Variants in GPC5 observed in about 807,000 individuals in gnomAD.
GPC5 encodes glypican-5.
Under a neutral mutation model 53.9 loss-of-function variants are expected in GPC5, and 47 were observed. That is an observed-to-expected ratio of 0.87 (90% CI 0.69 to 1.11). GPC5 has a LOEUF of 1.11. Among genes scored for constraint, GPC5 ranks in the 50% most tolerant of loss-of-function variants. GPC5 has a pLI of 0.00. For synonymous variants in GPC5, 286 were observed against 263.3 expected (o/e 1.09, Z -0.84); for missense variants, 748 against 713.1 (o/e 1.05, Z -0.56).
At chr13:91,458,731 A>G (rs1280311195) in intron 2 of GPC5, among the ~76,000 whole-genome samples, 1 of 152,166 alleles carries the variant, frequency 6.6e-6, no homozygotes. Context: ...AAGTCATTAT[A>G]TGAAAAAGAC....
At chr13:92,502,699 T>TC (rs748333401) in intron 7 of GPC5, among the ~76,000 whole-genome samples, 1 of 151,914 alleles carries the variant, frequency 6.6e-6, no homozygotes, top group Non-Finnish European at 1.5e-5. Flanking sequence ...AAAACATAAA[T>TC]CAAGCATGGT....
chr13:92,223,687 T>A (rs1257034311), intron 7 of GPC5, among the ~76,000 whole-genome samples: 1 of 152,070 alleles, frequency 6.6e-6, no homozygotes. Context: ...TGGTAAAAAT[T>A]GGGATAAAAG....
chr13:92,359,440 C>G (rs1478884950), intron 7 of GPC5, among the ~76,000 whole-genome samples: 1 of 151,680 alleles, frequency 6.6e-6, no homozygotes, highest in Non-Finnish European at 1.5e-5. Context: ...GTCCTCCAAA[C>G]TGTTCCTACC....
At chr13:92,195,438 C>A (rs1182948155) in intron 7 of GPC5, among the ~76,000 whole-genome samples, 1 of 152,174 alleles carries the variant, frequency 6.6e-6, no homozygotes, top group Non-Finnish European at 1.5e-5. Flanking sequence ...AGCGTATTGG[C>A]TCCAAATAAA....
At position 91,650,750 on chromosome 13, in the gene GPC5, G is replaced by GTTTTTGTTTTTTTTTTTTTTTTTTT. The variant is rs1491353283; in HGVS notation, c.326-42432_326-42431insGTTTTTTTTTTTTTTTTTTTTTTTT. On this transcript the variant is annotated intron_variant, in intron 2 of 7. Coordinates refer to ENST00000377067, the MANE Select transcript of GPC5 (RefSeq NM_004466.6). Reference sequence around the variant, plus strand: ...CATCTGTGAAACAAAATTCCCATAAGTTTTTTTTTTTTTTTTTTTTTTAGC... The same window carrying GTTTTTGTTTTTTTTTTTTTTTTTTT: ...CATCTGTGAAACAAAATTCCCATAAGTTTTTGTTTTTTTTTTTTTTTTTTTTTTTTTTTTTTTTTTTTTTTTTAGC... Among the ~76,000 whole-genome samples, 138 of 99,594 alleles carry GTTTTTGTTTTTTTTTTTTTTTTTTT rather than the reference G, an allele frequency of 1.4e-3. 3 individuals carry two copies. Among genetic ancestry groups the GTTTTTGTTTTTTTTTTTTTTTTTTT allele is most frequent in the Middle Eastern group, 6.0e-3 (1 of 166 alleles). The allele number at this position is 99,594 out of a possible 152,430, so 65.3% of individuals were successfully genotyped here.
At chr13:92,187,358 T>C (rs1054073619) in intron 7 of GPC5, among the ~76,000 whole-genome samples, 1 of 152,232 alleles carries the variant, frequency 6.6e-6, no homozygotes, top group Admixed American at 6.5e-5. Flanking sequence ...GCATGTTGAC[T>C]TGATAGAGTG....
chr13:91,911,511 C>A (rs1266858893), intron 6 of GPC5, among the ~76,000 whole-genome samples: 1 of 152,096 alleles, frequency 6.6e-6, no homozygotes, highest in African/African-American at 2.4e-5. Flanking sequence ...CCACTGCACT[C>A]CTGCCTGGGT....
At chr13:91,485,224 T>G (rs1883533708) in intron 2 of GPC5, among the ~76,000 whole-genome samples, 1 of 152,086 alleles carries the variant, frequency 6.6e-6, no homozygotes, top group Non-Finnish European at 1.5e-5. Context: ...TTTTTTTTTT[T>G]TTTTTGAGAC....
chr13:92,442,765 C>T (rs978439581), intron 7 of GPC5, among the ~76,000 whole-genome samples: 1 of 152,064 alleles, frequency 6.6e-6, no homozygotes, highest in Non-Finnish European at 1.5e-5. Context: ...CATAGGGGTT[C>T]GTGCATAAGA....
At chr13:91,480,035 C>T (rs1339298553) in intron 2 of GPC5, among the ~76,000 whole-genome samples, 1 of 152,162 alleles carries the variant, frequency 6.6e-6, no homozygotes, top group Non-Finnish European at 1.5e-5. Flanking sequence ...ACCCCTACTA[C>T]ATTATGCTAT....
intron 2 of GPC5, among the ~76,000 whole-genome samples, chr13:91,667,175 A>G (rs1456490234): frequency 6.6e-6 from 1 of 152,140 alleles, no homozygotes; most frequent in East Asian, 1.9e-4. Context: ...GTGGTATTAA[A>G]TTTCTTTTTG....
chr13:92,807,795 G>A (rs569712310), intron 7 of GPC5, among the ~76,000 whole-genome samples: 170 of 152,198 alleles, frequency 1.1e-3, no homozygotes, highest in African/African-American at 4.1e-3. Context: ...CAGTGCGACT[G>A]ACACGCTTTA....
At chr13:92,639,513 AATTGGTCACAGAACAGTG>A (rs1885518831) in intron 7 of GPC5, among the ~76,000 whole-genome samples, 1 of 152,182 alleles carries the variant, frequency 6.6e-6, no homozygotes, top group Non-Finnish European at 1.5e-5. Context: ...ATGGCAAATG[AATTGGTCACAGAACAGTG>A]TACTACTCAA....
At chr13:92,173,306 A>C (rs1464545858) in intron 7 of GPC5, among the ~76,000 whole-genome samples, 1 of 152,098 alleles carries the variant, frequency 6.6e-6, no homozygotes, top group South Asian at 2.1e-4. Context: ...TTTTCCGCTT[A>C]GGTGTGTCGA....
intron 6 of GPC5, among the ~76,000 whole-genome samples, chr13:92,089,777 A>G (rs2041364772): frequency 1.3e-5 from 2 of 152,188 alleles, no homozygotes; most frequent in Admixed American, 6.5e-5. Flanking sequence ...GAGATCTTCC[A>G]TTAATTATTC....
intron 6 of GPC5, among the ~76,000 whole-genome samples, chr13:91,974,834 A>G (rs991745770): frequency 3.3e-5 from 5 of 152,182 alleles, no homozygotes; most frequent in Non-Finnish European, 7.3e-5. Context: ...CCAAAAGAAC[A>G]AAGCCGGAGG....
intron 7 of GPC5, among the ~76,000 whole-genome samples, chr13:92,437,193 G>A (rs1019655995): frequency 2.0e-5 from 3 of 152,056 alleles, no homozygotes; most frequent in African/African-American, 7.2e-5. Flanking sequence ...AGTCACCCAG[G>A]GATGTATGTG....
At chr13:92,567,997 C>G (rs1882912691) in intron 7 of GPC5, among the ~76,000 whole-genome samples, 2 of 152,036 alleles carry the variant, frequency 1.3e-5, no homozygotes, top group Admixed American at 6.6e-5. Flanking sequence ...ATTGGCTGAG[C>G]AATAGAGACT....
intron 2 of GPC5, among the ~76,000 whole-genome samples, chr13:91,577,605 A>G (rs1419995315): frequency 6.6e-6 from 1 of 152,190 alleles, no homozygotes; most frequent in African/African-American, 2.4e-5. Context: ...GAACATTCAC[A>G]TTGCATGTTT....
Sources: gnomAD v4.1 joint callset for allele counts (sites outside exome capture counted in the v4.1 genomes callset) on GRCh38, gnomAD v4.1.1 for gene constraint, MANE v1.5 for transcripts, NCBI Gene and HGNC (gene_info 2026-07-23, HGNC 2026-07-21) for gene names.